The following SPNS2 variants were observed in gnomAD, a reference collection of about 807,000 sequenced individuals.
SPNS2 encodes sphingosine-1-phosphate transporter SPNS2.
SPNS2 carries 37 observed loss-of-function variants against 57.6 expected under a neutral mutation model. The ratio of observed to expected loss-of-function variants is 0.64; its 90% CI spans 0.49 to 0.85. The LOEUF is 0.85. Ranked by LOEUF, SPNS2 falls within the 40% of genes least tolerant of loss-of-function variation. SPNS2 has a pLI of 0.00. For missense variants in SPNS2, 831 were observed against 779.1 expected, an observed-to-expected ratio of 1.07 and a Z score of -0.79; for synonymous variants, 440 against 346.9, an observed-to-expected ratio of 1.27 and a Z score of -2.98.
In SPNS2 at chr17:4,499,389, C is replaced by T. The variant is rs892159606; in HGVS notation, c.342C>T (p.Leu114=). 3.6e-6 allele frequency: 5 copies of T among 1,394,336 alleles called. No homozygotes were observed. The Admixed American group carries it at 1.3e-4, about 35-fold the overall frequency. 86.4% of individuals were successfully genotyped at this position (1,394,336 alleles called of 1,614,324 possible). ...AAAILSLGNV[L]NYLDRYTVAG... is the part of the protein sequence containing the mutation. ...CCATCCTCAGCTTGGGCAACGTGCTCAACTACCTGGACAGGTACACCGTGG... is the reference window on the plus strand; with the variant it reads ...CCATCCTCAGCTTGGGCAACGTGCTTAACTACCTGGACAGGTACACCGTGG... Residue 114 remains leucine (L), a synonymous_variant, in exon 1 of 13, where the codon CTC becomes CTT. Coordinates refer to ENST00000329078, the MANE Select transcript of SPNS2 (RefSeq NM_001124758.3). This position sits in a 1 kb window ranked among gnomAD's most constrained non-coding sequence, Gnocchi z 5.2.
rs751718523 is a variant in SPNS2, at chr17:4,533,808, G to A, written c.1299G>A (p.Glu433=). 26 of 1,613,638 alleles carry A rather than the reference G, an allele frequency of 1.6e-5. No homozygotes were observed. Among genetic ancestry groups the A allele is most frequent in the Non-Finnish European group, 2.1e-5 (25 of 1,180,032 alleles). Residue 433 remains glutamate, a synonymous_variant, in exon 9 of 13, where the codon GAG becomes GAA. Coordinates refer to ENST00000329078, the MANE Select transcript of SPNS2 (RefSeq NM_001124758.3). ...GGCAGATCTGTATCTTCGTCGGGGA[G>A]ACGCTGCTGTTTTCTAACTGGGCCA... is the stretch of plus-strand genomic sequence containing the variant. ...VGAYICIFVG[E]TLLFSNWAIT...
rs750307422 is a variant in SPNS2 at position 4,536,945 on chromosome 17, T to G, written c.*3T>G. ...CGCCCGCATCTGTGAAAGTCTGAGG[T>G]GGTGAGTGCAGGCCGGGAGGCACGT... On this transcript the variant is annotated splice_region_variant and 3_prime_UTR_variant, in exon 12 of 13. Transcript: ENST00000329078. The G allele has an allele frequency of 6.2e-7, 1 of 1,612,904 alleles. No individual in the cohort carries two copies. Among genetic ancestry groups the G allele is most frequent in the Non-Finnish European group, 8.5e-7 (1 of 1,179,480 alleles).
chr17:4,500,643 C>T (rs140195192), intron 1 of SPNS2, among the ~76,000 whole-genome samples: 13 of 152,268 alleles, frequency 8.5e-5, no homozygotes, highest in Non-Finnish European at 1.9e-4. Context: ...TTTGGACAGA[C>T]TCTAAAGAGA....
In SPNS2 at chr17:4,536,433, G is replaced by GGC; in HGVS notation, c.1607+8_1607+9insCG. On this transcript the variant is annotated splice_region_variant and intron_variant, in intron 11 of 12. Transcript: ENST00000329078. ...GCGCCAGGGCTGAGCAGCAGTGAGTGGGGGGGAGGGGAGGCCCTGCTGCAC... is the reference window on the plus strand; with the variant it reads ...GCGCCAGGGCTGAGCAGCAGTGAGTGGCGGGGGGAGGGGAGGCCCTGCTGCAC... 1.3e-6 allele frequency: 2 copies of GGC among 1,500,366 alleles called. No individual in the cohort carries two copies. The highest frequency in any genetic ancestry group is 1.8e-6 in the Non-Finnish European group (2 of 1,119,268). The allele number at this position is 1,500,366 out of a possible 1,614,324, so 92.9% of individuals were successfully genotyped here.
Position 4,509,014 on chromosome 17 carries a change from A to G in SPNS2, c.371-4233A>G, listed in dbSNP as rs536326144. Among the ~76,000 whole-genome samples, 3 of 152,294 alleles carry G rather than the reference A, an allele frequency of 2.0e-5. No homozygotes were observed. In the East Asian group the frequency reaches 5.8e-4, roughly 29 times the overall value. The stretch of plus-strand genomic sequence containing the variant: ...GGGGCTGGAGGCAGGGAGTCCAGGG[A>G]GGAGGCTGGACGATAAAGCAGATGG... On this transcript the variant is annotated intron_variant, in intron 1 of 12. Coordinates refer to ENST00000329078, the MANE Select transcript of SPNS2 (RefSeq NM_001124758.3).
chr17:4,504,622 G>C (rs527584186), intron 1 of SPNS2, among the ~76,000 whole-genome samples: 4 of 152,342 alleles, frequency 2.6e-5, no homozygotes, highest in Admixed American at 6.5e-5. Context: ...TTCTGCAATA[G>C]GAAGTGGCTT....
chr17:4,531,465 C>T (rs772682298), intron 5 of SPNS2, among the ~76,000 whole-genome samples: 1 of 152,132 alleles, frequency 6.6e-6, no homozygotes, highest in Non-Finnish European at 1.5e-5. Flanking sequence ...CCAGCCCTGG[C>T]GCTGTGCTAG....
chr17:4,532,614 G>A lies in SPNS2; in HGVS notation c.865G>A (p.Ala289Thr). 1.2e-6 allele frequency: 2 copies of A among 1,614,160 alleles called. No individual in the cohort carries two copies. The highest frequency in any genetic ancestry group is 8.5e-7 in the Non-Finnish European group (1 of 1,180,036). ...GGTCCCAGCCACTAAAAGGGGTCAT[G>A]CCGACCAGCTCGGGGACCAGCTCAA... ...ILVPATKRGH[A>T]DQLGDQLKAR... Residue 289 changes from alanine to threonine, a missense_variant, in exon 6 of 13, where the codon GCC becomes ACC. Ala to Thr is a moderately conservative substitution (Grantham distance 58). Around this residue, in one of 2 missense-constraint regions of SPNS2, gnomAD observed 526 missense variants for 400.9 expected, o/e 1.31. Transcript: ENST00000329078.
At chr17:4,525,829 T>C (rs547056565) in intron 3 of SPNS2, among the ~76,000 whole-genome samples, 126 of 152,310 alleles carry the variant, frequency 8.3e-4, no homozygotes, top group African/African-American at 3.0e-3. Flanking sequence ...AGCTGAGCTG[T>C]GAAGGTCCAG....
rs531506462 is a variant in SPNS2 at position 4,510,092 on chromosome 17, C to G, written c.371-3155C>G. ...CCGAGCTGCTGTGACACACGCTTCC[C>G]GTGCCAGCGGCCAGCGGGATCTCAC... On this transcript the variant is annotated intron_variant, in intron 1 of 12. Coordinates refer to ENST00000329078, the MANE Select transcript of SPNS2 (RefSeq NM_001124758.3). This position sits in a 1 kb window ranked among gnomAD's most constrained non-coding sequence, Gnocchi z 4.4. 6.6e-6 allele frequency among the ~76,000 whole-genome samples: 1 copy of G among 152,368 alleles called. No homozygotes were observed. The highest frequency in any genetic ancestry group is 1.5e-5 in the Non-Finnish European group (1 of 68,036).
Position 4,538,825 on chromosome 17 carries a change from A to C in SPNS2, c.*1377A>C. The C allele has an allele frequency of 1.3e-6, 1 of 773,122 alleles. No homozygotes were observed. Among genetic ancestry groups the C allele is most frequent in the African/African-American group, 1.7e-5 (1 of 58,678 alleles). 47.9% of individuals were successfully genotyped at this position (773,122 alleles called of 1,614,324 possible). On this transcript the variant is annotated 3_prime_UTR_variant, in exon 13 of 13. Coordinates refer to ENST00000329078, the MANE Select transcript of SPNS2 (RefSeq NM_001124758.3). ...ATGGGGTGGGGGTGGCATCCTCCAA[A>C]GACCAGCCTCCACCCCCACTCCAGC... is the stretch of plus-strand genomic sequence containing the variant.
chr17:4,502,665 C>T (rs557317228), intron 1 of SPNS2, among the ~76,000 whole-genome samples: 12 of 152,260 alleles, frequency 7.9e-5, no homozygotes, highest in Admixed American at 3.9e-4. Flanking sequence ...TCCCGGGTTG[C>T]GTGGGATAAA....
chr17:4,499,375 T>A lies in SPNS2; in HGVS notation c.328T>A (p.Leu110Met), dbSNP rs748775011. ...GRGAAAAILSLGNVLNYLDRY... is the reference protein window; with the variant it reads ...GRGAAAAILSMGNVLNYLDRY... The stretch of plus-strand genomic sequence containing the variant: ...GGGGGCAGCCGCCGCCATCCTCAGC[T>A]TGGGCAACGTGCTCAACTACCTGGA... The change falls in exon 1 of 13, where the codon TTG (leucine) becomes ATG (methionine). Residue 110 changes from leucine (L) to methionine (M), a missense_variant. Around this residue, in one of 2 missense-constraint regions of SPNS2, gnomAD observed 305 missense variants for 378.3 expected, o/e 0.81. Transcript: ENST00000329078. The surrounding 1 kb of genome is among the most constrained non-coding windows in gnomAD (Gnocchi z 5.2). The A allele has an allele frequency of 2.1e-6, 3 of 1,406,366 alleles. No individual in the cohort carries two copies. Among genetic ancestry groups the A allele is most frequent in the Non-Finnish European group, 2.8e-6 (3 of 1,083,280 alleles). The allele number at this position is 1,406,366 out of a possible 1,614,324, so 87.1% of individuals were successfully genotyped here.
rs1043497693 is a variant in SPNS2 at position 4,499,100 on chromosome 17, A to C, written c.53A>C (p.Glu18Ala). The C allele has an allele frequency of 1.3e-4, 140 of 1,072,340 alleles. No individual in the cohort carries two copies. Among genetic ancestry groups the C allele is most frequent in the Admixed American group, 2.7e-4 (5 of 18,764 alleles). 66.4% of individuals were successfully genotyped at this position (1,072,340 alleles called of 1,614,324 possible). Reference protein sequence around the residue: ...SAAAGGAEEEEADAERRRRRR... With the variant: ...SAAAGGAEEEAADAERRRRRR... ...GCGGCGGGCGGCGCGGAGGAGGAGG[A>C]GGCGGACGCGGAGCGGCGGCGCCGG... Residue 18 changes from glutamate (E) to alanine (A), a missense_variant, in exon 1 of 13, where the codon GAG (glutamate) becomes GCG (alanine). Physicochemically the swap from Glu to Ala is moderately radical, Grantham distance 107. Around this residue, in one of 2 missense-constraint regions of SPNS2, gnomAD observed 305 missense variants for 378.3 expected, o/e 0.81. Transcript: ENST00000329078. This position sits in a 1 kb window ranked among gnomAD's most constrained non-coding sequence, Gnocchi z 5.2.
intron 1 of SPNS2, among the ~76,000 whole-genome samples, chr17:4,503,692 A>G (rs1371716157): frequency 6.6e-6 from 1 of 152,144 alleles, no homozygotes; most frequent in Non-Finnish European, 1.5e-5. Context: ...TCTTCTCAAG[A>G]CCTATTTTCT....
intron 12 of SPNS2, 138 bp from the exon 13 acceptor site, chr17:4,537,315 A>C: frequency 2.4e-6 from 1 of 418,362 alleles, no homozygotes. Flanking sequence ...GCTTCCCAGC[A>C]GCACGAGACC....
chr17:4,505,647 C>T (rs763504913), intron 1 of SPNS2, among the ~76,000 whole-genome samples: 21 of 152,202 alleles, frequency 1.4e-4, no homozygotes, highest in Non-Finnish European at 2.2e-4. Flanking sequence ...ACAGTGAGGC[C>T]GTGTGAGGAA....
intron 1 of SPNS2, among the ~76,000 whole-genome samples, chr17:4,507,863 G>A (rs1390949588): frequency 2.0e-5 from 3 of 152,254 alleles, no homozygotes; most frequent in African/African-American, 7.2e-5. Flanking sequence ...AGGCTGGCCT[G>A]AGCCGAGGGC....
intron 1 of SPNS2, among the ~76,000 whole-genome samples, chr17:4,505,667 T>G (rs1904656182): frequency 1.3e-5 from 2 of 152,230 alleles, no homozygotes; most frequent in South Asian, 4.1e-4. Flanking sequence ...AGAGCACCGG[T>G]CTGCTCTGGG....
Sources: gnomAD v4.1 joint callset for allele counts (sites outside exome capture counted in the v4.1 genomes callset) on GRCh38, gnomAD v4.1.1 for gene constraint, gnomAD v4.1.1 regional missense constraint, Gnocchi (gnomAD v3.1) non-coding constraint, MANE v1.5 for transcripts, NCBI Gene and HGNC (gene_info 2026-07-23, HGNC 2026-07-21) for gene names.